The following MYO19 variants were observed in gnomAD, a reference collection of about 807,000 sequenced individuals.
MYO19 encodes myosin XIX.
A neutral mutation model predicts 129.2 loss-of-function variants in MYO19; 132 were observed. The observed-to-expected ratio is 1.02, with a 90% confidence interval of 0.89 to 1.18. MYO19 has a LOEUF of 1.18. MYO19 is among the 50% of genes most tolerant of loss of function. The pLI is 0.00. For synonymous variants in MYO19, 531 were observed against 477.2 expected, an observed-to-expected ratio of 1.11 and a Z score of -1.47; for missense variants, 1,210 against 1,216.7, an observed-to-expected ratio of 0.99 and a Z score of 0.08.
At position 36,515,878 on chromosome 17, in the gene MYO19, T is replaced by A; in HGVS notation, c.527A>T (p.Asn176Ile). The A allele has an allele frequency of 6.2e-7, 1 of 1,612,906 alleles. No individual in the cohort carries two copies. Among genetic ancestry groups the A allele is most frequent in the Non-Finnish European group, 8.5e-7 (1 of 1,179,068 alleles). Reference protein sequence around the residue: ...ERIEQRILNSNPVMEAFGNAC... With the variant: ...ERIEQRILNSIPVMEAFGNAC... ...CTCACCAAAAGCTTCCATGACAGGG[T>A]TGGAGTTCAGGATCCTCTGTTCTAT... is the stretch of plus-strand genomic sequence containing the variant. The change falls in exon 7 of 26, where the codon AAC becomes ATC. Residue 176 changes from asparagine to isoleucine, a missense_variant. Physicochemically the swap from Asn to Ile is moderately radical, Grantham distance 149. Transcript: ENST00000614623.
chr17:36,506,098 G>A (rs116129905), intron 18 of MYO19, among the ~76,000 whole-genome samples: 44 of 152,280 alleles, frequency 2.9e-4, no homozygotes, highest in African/African-American at 9.9e-4. Flanking sequence ...AGCAGACGAT[G>A]TGAGAGAAGT....
At chr17:36,499,264 A>C in intron 23 of MYO19, 104 bp from the exon 24 acceptor site, 6 of 771,380 alleles carry the variant, frequency 7.8e-6, no homozygotes, top group African/African-American at 1.8e-5. Flanking sequence ...AGTTTCAAAT[A>C]CGTTTTTTTT....
intron 5 of MYO19, among the ~76,000 whole-genome samples, chr17:36,527,112 G>A (rs184117324): frequency 1.4e-3 from 219 of 152,176 alleles, no homozygotes; most frequent in African/African-American, 5.2e-3. Context: ...GTTGCGCTGA[G>A]CCCAGATCAT....
intron 3 of MYO19, among the ~76,000 whole-genome samples, chr17:36,531,736 T>C (rs1564707): frequency 0.086 from 13,119 of 152,182 alleles, 1,082 homozygotes; most frequent in African/African-American, 0.21. Context: ...GCTCCCTTGA[T>C]GCTGGCAGGC....
intron 6 of MYO19, among the ~76,000 whole-genome samples, chr17:36,519,543 TA>T (rs1237840427): frequency 6.6e-6 from 1 of 152,118 alleles, no homozygotes; most frequent in Admixed American, 6.5e-5. Context: ...CCTTTTTTCT[TA>T]TTGCCTTTGA....
At chr17:36,505,507 C>T (rs1599253178) in intron 18 of MYO19, 103 bp from the exon 19 acceptor site, 1 of 777,252 alleles carries the variant, frequency 1.3e-6, no homozygotes, top group Non-Finnish European at 2.1e-6. Flanking sequence ...GCGGGCCCTT[C>T]CATGATCCTG....
chr17:36,525,045 T>A (rs890333293), intron 6 of MYO19, among the ~76,000 whole-genome samples, 183 bp downstream of exon 6: 2 of 152,202 alleles, frequency 1.3e-5, no homozygotes, highest in Non-Finnish European at 2.9e-5. Flanking sequence ...TGGACTGGTA[T>A]CCTGTCTCTT....
chr17:36,506,029 T>C (rs761200585), intron 18 of MYO19, among the ~76,000 whole-genome samples: 3 of 152,090 alleles, frequency 2.0e-5, no homozygotes, highest in Non-Finnish European at 4.4e-5. Context: ...GATGGGGCAG[T>C]AGTCAAGAGT....
chr17:36,538,529 C>G, upstream of MYO19: 1 of 1,613,776 alleles, frequency 6.2e-7, no homozygotes, highest in Non-Finnish European at 8.5e-7. Context: ...CCTTGTGGGC[C>G]TTATTTGTGG....
chr17:36,537,239 G>C (rs906166925), upstream of MYO19: 1 of 1,614,062 alleles, frequency 6.2e-7, no homozygotes, highest in East Asian at 2.2e-5. Context: ...CACAGTACTT[G>C]TGTTCTTTTT....
At chr17:36,543,734 C>T (rs575048316), upstream of MYO19, among the ~76,000 whole-genome samples, 77 of 152,264 alleles carry the variant, frequency 5.1e-4, no homozygotes, top group African/African-American at 1.9e-3. Flanking sequence ...AAGTGATTGT[C>T]CCGTCTCAGC....
At chr17:36,509,176 C>A in intron 13 of MYO19, 41 bp from the exon 14 acceptor site, 1 of 1,596,800 alleles carries the variant, frequency 6.3e-7, no homozygotes, top group Non-Finnish European at 8.6e-7. Context: ...GAGGGTCTGG[C>A]TGAGTCAAAG....
At chr17:36,522,726 G>A (rs1178616119) in intron 6 of MYO19, among the ~76,000 whole-genome samples, 1 of 152,022 alleles carries the variant, frequency 6.6e-6, no homozygotes, top group Non-Finnish European at 1.5e-5. Context: ...AAACTTAGCA[G>A]GTCAGGCGTG....
chr17:36,516,112 G>T, intron 6 of MYO19, 122 bp from the exon 7 acceptor site: 1 of 1,215,646 alleles, frequency 8.2e-7, no homozygotes, highest in Non-Finnish European at 1.1e-6. Context: ...CAAAATGGGT[G>T]AAGGCAGAAT....
rs1403829075 is a variant in MYO19, at chr17:36,505,386, G to A, written c.1816C>T (p.Leu606=). The A allele has an allele frequency of 1.2e-6, 2 of 1,614,226 alleles. No individual in the cohort carries two copies. Among genetic ancestry groups the A allele is most frequent in the African/African-American group, 1.3e-5 (1 of 75,062 alleles). ...SKFKASLEQL[L]QVLHSTTPHY... ...GGCGTGGTGCTGTGTAGGACCTGCA[G>A]AAGCTGCTCCAGTGAGGCCTGCAGA... The change falls in exon 19 of 26, where the codon CTG becomes TTG. Residue 606 remains leucine, a synonymous_variant. Coordinates refer to ENST00000614623, the MANE Select transcript of MYO19 (RefSeq NM_001163735.2).
chr17:36,518,099 A>T (rs1208223301), intron 6 of MYO19, among the ~76,000 whole-genome samples: 1 of 151,748 alleles, frequency 6.6e-6, no homozygotes, highest in Non-Finnish European at 1.5e-5. Flanking sequence ...AAAAAAAAAA[A>T]AAAAGAGGTA....
intron 4 of MYO19, 73 bp downstream of exon 4, chr17:36,527,991 A>T: frequency 6.4e-7 from 1 of 1,558,066 alleles, no homozygotes; most frequent in East Asian, 2.3e-5. Flanking sequence ...GACCTGGAGA[A>T]GCTGTGCTGA....
intron 3 of MYO19, 116 bp downstream of exon 3, chr17:36,532,411 C>A (rs966947918): frequency 2.4e-6 from 3 of 1,248,160 alleles, no homozygotes; most frequent in Middle Eastern, 3.7e-4. Context: ...ACTGGAGAGA[C>A]AATTTGAGGA....
chr17:36,499,660 GTTTCTTTTTTTT>G (rs2071343845), intron 23 of MYO19: 1 of 54,476 alleles, frequency 1.8e-5, no homozygotes, highest in African/African-American at 7.8e-5. Flanking sequence ...TTTTCTTTTT[GTTTCTTTTTTTT>G]TTTTTTTTTT....
Sources: allele counts gnomAD v4.1 joint callset (sites outside exome capture counted in the v4.1 genomes callset), GRCh38; gene constraint gnomAD v4.1.1; transcripts MANE v1.5; gene names NCBI Gene and HGNC (gene_info 2026-07-23, HGNC 2026-07-21).